The following CNOT6 variants were observed in gnomAD, a reference collection of about 807,000 sequenced individuals.
The protein encoded by CNOT6 is carbon catabolite repression 4 protein.
Under a neutral mutation model 61.2 loss-of-function variants are expected in CNOT6, and 12 were observed. That is an observed-to-expected ratio of 0.20 (90% CI 0.13 to 0.32). The LOEUF (loss-of-function observed/expected upper bound fraction) is 0.32, where lower values mean the gene tolerates loss of function less well. Among genes scored for constraint, CNOT6 ranks in the 10% least tolerant of loss-of-function variants. The probability of loss-of-function intolerance (pLI) is 1.00; values close to 1 mark genes in which losing one functional copy is unlikely to be tolerated. For missense variants in CNOT6, 405 were observed against 663.9 expected (o/e 0.61, Z 4.28); for synonymous variants, 225 against 240.6 (o/e 0.94, Z 0.60).
chr5:180,495,597 A>G (rs1756575117), intron 1 of CNOT6: 1 of 152,170 alleles, frequency 6.6e-6, no homozygotes. Flanking sequence ...GTGTAAGCTG[A>G]TGTGTTTTAG....
At chr5:180,519,557 A>G (rs2127712091) in intron 1 of CNOT6, among the ~76,000 whole-genome samples, 1 of 152,242 alleles carries the variant, frequency 6.6e-6, no homozygotes, top group East Asian at 1.9e-4. Flanking sequence ...AATGCAATGT[A>G]CATGTACACC....
chr5:180,563,871 G>GT (rs1055587745), intron 4 of CNOT6, among the ~76,000 whole-genome samples: 1 of 152,144 alleles, frequency 6.6e-6, no homozygotes, highest in Non-Finnish European at 1.5e-5. Context: ...GTAAATCATT[G>GT]TTTTTGCTCT....
intron 2 of CNOT6, among the ~76,000 whole-genome samples, chr5:180,545,644 C>A (rs1759279940): frequency 6.6e-6 from 1 of 152,164 alleles, no homozygotes; most frequent in South Asian, 2.1e-4. Flanking sequence ...TGGGTTGTTT[C>A]CAATATTTGA....
At chr5:180,555,188 A>C (rs191688316) in intron 4 of CNOT6, among the ~76,000 whole-genome samples, 1 of 152,072 alleles carries the variant, frequency 6.6e-6, no homozygotes, top group East Asian at 1.9e-4. Context: ...TTGTGTTTTT[A>C]GCAGAGACGA....
intron 3 of CNOT6, 80 bp from the exon 4 acceptor site, chr5:180,553,306 T>A: frequency 1.1e-6 from 1 of 941,796 alleles, no homozygotes; most frequent in Admixed American, 2.2e-5. Context: ...GGTGCTTATG[T>A]TCCTAGAAAC....
intron 1 of CNOT6, among the ~76,000 whole-genome samples, chr5:180,523,873 G>A (rs58739935): frequency 3.3e-3 from 507 of 152,252 alleles, no homozygotes; most frequent in African/African-American, 0.012. Context: ...TTCATGGTTT[G>A]TAATTCTGCT....
intron 10 of CNOT6, 145 bp downstream of exon 10, chr5:180,569,485 G>T: frequency 1.6e-6 from 1 of 632,872 alleles, no homozygotes; most frequent in East Asian, 2.8e-5. Context: ...CATCATGTTG[G>T]GGTGGAGGGG....
At chr5:180,562,436 A>G (rs1760233906) in intron 4 of CNOT6, among the ~76,000 whole-genome samples, 1 of 152,084 alleles carries the variant, frequency 6.6e-6, no homozygotes, top group South Asian at 2.1e-4. Flanking sequence ...GAGCAGATTA[A>G]TTTTCAATTT....
intron 4 of CNOT6, among the ~76,000 whole-genome samples, chr5:180,561,423 A>G (rs1044559988): frequency 1.4e-5 from 2 of 147,220 alleles, no homozygotes. Flanking sequence ...TTCTCATTGA[A>G]GCATTTTTGT....
chr5:180,538,324 C>T (rs533380803), intron 2 of CNOT6, among the ~76,000 whole-genome samples: 1 of 148,860 alleles, frequency 6.7e-6, no homozygotes, highest in Non-Finnish European at 1.5e-5. Flanking sequence ...CAGGCGTGAG[C>T]CACCGCACCT....
chr5:180,529,454 A>T (rs1758250753), intron 2 of CNOT6, 66 bp downstream of exon 2: 2 of 835,240 alleles, frequency 2.4e-6, no homozygotes, highest in Admixed American at 4.6e-5. Context: ...GAGTTTTCTA[A>T]TGCCAATACA....
intron 4 of CNOT6, among the ~76,000 whole-genome samples, chr5:180,556,063 C>G (rs1759872046): frequency 6.6e-6 from 1 of 152,170 alleles, no homozygotes; most frequent in Non-Finnish European, 1.5e-5. Flanking sequence ...CAATCCTATC[C>G]CCTTTACCCA....
intron 3 of CNOT6, among the ~76,000 whole-genome samples, chr5:180,552,838 GT>G (rs1297072202): frequency 5.8e-5 from 5 of 86,660 alleles, no homozygotes; most frequent in Non-Finnish European, 1.4e-4. Flanking sequence ...TACAGCTGCT[GT>G]TATTTTTTAA....
chr5:180,560,677 T>C (rs1760120474), intron 4 of CNOT6, among the ~76,000 whole-genome samples: 1 of 152,198 alleles, frequency 6.6e-6, no homozygotes, highest in South Asian at 2.1e-4. Context: ...TTCAGAAGTT[T>C]AATTATGATG....
rs545267227 is a variant in CNOT6 at position 180,552,204 on chromosome 5, A to G, written c.300-1182A>G. ...CCTTTTTTCTGTATATTGTATTTGGAAATAAACAGGAGCCAGATATCAGAA... is the reference window on the plus strand; with the variant it reads ...CCTTTTTTCTGTATATTGTATTTGGGAATAAACAGGAGCCAGATATCAGAA... On this transcript the variant is annotated intron_variant, in intron 3 of 11. Transcript: ENST00000261951. Among the ~76,000 whole-genome samples the G allele has an allele frequency of 2.6e-5, 4 of 151,526 alleles. No individual in the cohort carries two copies. The East Asian group carries it at 7.8e-4, about 30-fold the overall frequency.
At chr5:180,561,233 T>G (rs1240805931) in intron 4 of CNOT6, among the ~76,000 whole-genome samples, 1 of 152,222 alleles carries the variant, frequency 6.6e-6, no homozygotes, top group Non-Finnish European at 1.5e-5. Context: ...ATTATAGGCA[T>G]GAGCCACTGT....
At chr5:180,563,216 A>ATTTTTT (rs11379078) in intron 4 of CNOT6, among the ~76,000 whole-genome samples, 1 of 140,236 alleles carries the variant, frequency 7.1e-6, no homozygotes, top group African/African-American at 2.7e-5. Flanking sequence ...TTCCTGTTAA[A>ATTTTTT]TTTTTTTTTT....
intron 1 of CNOT6, among the ~76,000 whole-genome samples, chr5:180,515,291 A>G (rs542361145): frequency 1.6e-4 from 25 of 152,154 alleles, no homozygotes; most frequent in Middle Eastern, 3.4e-3. Flanking sequence ...AGAAAATATT[A>G]GCTGGGTGTG....
chr5:180,573,551 CAG>C (rs1760860709), intron 11 of CNOT6, among the ~76,000 whole-genome samples: 3 of 94,534 alleles, frequency 3.2e-5, no homozygotes, highest in East Asian at 6.8e-4. Context: ...TGGAGGGGGG[CAG>C]TGTGTGTGTG....
Sources: gnomAD v4.1 joint callset for allele counts (sites outside exome capture counted in the v4.1 genomes callset) on GRCh38, gnomAD v4.1.1 for gene constraint, MANE v1.5 for transcripts, NCBI Gene and HGNC (gene_info 2026-07-23, HGNC 2026-07-21) for gene names.